The following PHLPP1 variants were observed in gnomAD, a reference collection of about 807,000 sequenced individuals.
The protein encoded by PHLPP1 is PH domain and leucine rich repeat protein phosphatase 1.
In PHLPP1, 42 loss-of-function variants were observed where a neutral mutation model predicts 117.2. The observed-to-expected ratio is 0.36, with a 90% CI of 0.28 to 0.46. The LOEUF is 0.46. Among genes scored for constraint, PHLPP1 ranks in the 20% least tolerant of loss-of-function variants. The probability of loss-of-function intolerance (pLI) is 1.00; values close to 1 mark genes in which losing one functional copy is unlikely to be tolerated. For synonymous variants in PHLPP1, 1,042 were observed against 970.7 expected (o/e 1.07, Z -1.37); for missense variants, 2,084 against 2,241.9 (o/e 0.93, Z 1.42).
intron 1 of PHLPP1, among the ~76,000 whole-genome samples, chr18:62,755,809 A>G (rs142395043): frequency 6.6e-6 from 1 of 152,280 alleles, no homozygotes; most frequent in African/African-American, 2.4e-5. Context: ...GTTTGTATCT[A>G]TTTTTTGTTT....
chr18:62,740,755 T>G (rs1001476420), intron 1 of PHLPP1, among the ~76,000 whole-genome samples: 4 of 152,204 alleles, frequency 2.6e-5, no homozygotes, highest in African/African-American at 9.6e-5. Flanking sequence ...GGGGATCACC[T>G]GAGGTCAGGA....
At chr18:62,918,622 G>T (rs897595509) in intron 9 of PHLPP1, among the ~76,000 whole-genome samples, 2 of 151,966 alleles carry the variant, frequency 1.3e-5, no homozygotes, top group African/African-American at 4.8e-5. Context: ...GTTGAGACAG[G>T]TTGCTAGCAT....
chr18:62,888,337 G>GTT (rs1555679785), intron 4 of PHLPP1, among the ~76,000 whole-genome samples: 8 of 114,626 alleles, frequency 7.0e-5, no homozygotes, highest in African/African-American at 1.5e-4. Flanking sequence ...GTGTGTGTAT[G>GTT]TTTTTTTTTT....
At chr18:62,943,639 G>A (rs927657361) in intron 11 of PHLPP1, among the ~76,000 whole-genome samples, 3 of 152,206 alleles carry the variant, frequency 2.0e-5, no homozygotes, top group South Asian at 2.1e-4. Flanking sequence ...AGGGTCTTGC[G>A]TGAATGCACA....
At chr18:62,742,877 G>A (rs544337455) in intron 1 of PHLPP1, among the ~76,000 whole-genome samples, 1 of 152,186 alleles carries the variant, frequency 6.6e-6, no homozygotes, top group East Asian at 1.9e-4. Flanking sequence ...CCAGCTTCCC[G>A]TAACTCACCC....
intron 3 of PHLPP1, among the ~76,000 whole-genome samples, chr18:62,855,071 CAG>C (rs1377133242): frequency 9.9e-5 from 15 of 152,246 alleles, no homozygotes; most frequent in East Asian, 3.9e-4. Context: ...ATCTTTGAAA[CAG>C]GGGTAAGTTC....
Position 62,978,465 on chromosome 18 carries a change from G to A in PHLPP1, c.4188G>A (p.Leu1396=), listed in dbSNP as rs533671209. ...CCGTGCGCAACGTGCCCGATGCCCT[G>A]GCTGCTGCCAAGAAGCTGTGTACCC... The part of the protein sequence containing the change: ...VEAVRNVPDA[L]AAAKKLCTLA... The change falls in exon 17 of 17, where the codon CTG becomes CTA. Residue 1396 remains leucine (L), a synonymous_variant. Transcript: ENST00000262719. The surrounding 1 kb of genome is among the most constrained non-coding windows in gnomAD (Gnocchi z 7.0). 6.2e-7 allele frequency: 1 copy of A among 1,609,988 alleles called. No individual in the cohort carries two copies. The highest frequency in any genetic ancestry group is 1.7e-5 in the Admixed American group (1 of 59,438).
chr18:62,795,460 T>TC (rs1404517407), intron 1 of PHLPP1, among the ~76,000 whole-genome samples: 1 of 122,984 alleles, frequency 8.1e-6, no homozygotes, highest in Non-Finnish European at 1.6e-5. Context: ...ACCACTGCAC[T>TC]CCAGCCTGGG....
intron 3 of PHLPP1, among the ~76,000 whole-genome samples, chr18:62,844,600 C>T (rs1915134137): frequency 6.6e-6 from 1 of 152,210 alleles, no homozygotes; most frequent in Admixed American, 6.5e-5. Flanking sequence ...AAACCCCAGA[C>T]ATTATTTCGC....
chr18:62,961,528 G>T (rs955993692), intron 13 of PHLPP1, among the ~76,000 whole-genome samples: 23 of 151,940 alleles, frequency 1.5e-4, no homozygotes, highest in African/African-American at 5.3e-4. Flanking sequence ...AATTATAAAT[G>T]CCTTTAAAAA....
intron 1 of PHLPP1, among the ~76,000 whole-genome samples, chr18:62,820,738 A>G (rs1310597255): frequency 6.6e-6 from 1 of 152,238 alleles, no homozygotes; most frequent in Non-Finnish European, 1.5e-5. Flanking sequence ...TTAATAAATT[A>G]CCCAGTCTCA....
intron 13 of PHLPP1, among the ~76,000 whole-genome samples, chr18:62,959,107 G>A (rs965818434): frequency 6.6e-6 from 1 of 152,188 alleles, no homozygotes; most frequent in Non-Finnish European, 1.5e-5. Context: ...AGATCTTCAC[G>A]GTTTGGGAAA....
intron 14 of PHLPP1, among the ~76,000 whole-genome samples, chr18:62,964,870 G>C (rs541706106): frequency 1.8e-4 from 27 of 152,136 alleles, no homozygotes; most frequent in Admixed American, 8.5e-4. Flanking sequence ...ATATCTACTC[G>C]TGTCTTAATG....
intron 10 of PHLPP1, among the ~76,000 whole-genome samples, chr18:62,930,064 T>C (rs1909760756): frequency 6.6e-6 from 1 of 152,136 alleles, no homozygotes; most frequent in Admixed American, 6.5e-5. Context: ...TACAGAATGC[T>C]GACAAAAACT....
At chr18:62,905,190 A>C (rs1916815269) in intron 7 of PHLPP1, 34 bp from the exon 8 acceptor site, 1 of 1,373,602 alleles carries the variant, frequency 7.3e-7, no homozygotes, top group Non-Finnish European at 9.8e-7. Context: ...TTTGTATAGT[A>C]ATGTCTTTGT....
intron 10 of PHLPP1, among the ~76,000 whole-genome samples, chr18:62,923,956 A>C (rs2144430192): frequency 6.6e-6 from 1 of 152,378 alleles, no homozygotes; most frequent in East Asian, 1.9e-4. Flanking sequence ...ATGAGTTTAA[A>C]TCACTGTGCT....
chr18:62,776,759 G>T (rs898500691), intron 1 of PHLPP1, among the ~76,000 whole-genome samples: 4 of 151,796 alleles, frequency 2.6e-5, no homozygotes, highest in Admixed American at 2.6e-4. Flanking sequence ...ACAGGTACCC[G>T]CCACCACACC....
At chr18:62,721,688 T>A (rs1351602914) in intron 1 of PHLPP1, among the ~76,000 whole-genome samples, 3 of 152,170 alleles carry the variant, frequency 2.0e-5, no homozygotes, top group Non-Finnish European at 2.9e-5. Context: ...TTCGTGTGTC[T>A]TTTGTACTCA....
chr18:62,913,641 C>T (rs1159695308), intron 8 of PHLPP1, among the ~76,000 whole-genome samples: 1 of 151,754 alleles, frequency 6.6e-6, no homozygotes, highest in Non-Finnish European at 1.5e-5. Context: ...AAAAGCTAAC[C>T]AGTGTGACTA....
Sources: allele counts gnomAD v4.1 joint callset (sites outside exome capture counted in the v4.1 genomes callset), GRCh38; gene constraint gnomAD v4.1.1; non-coding constraint Gnocchi (gnomAD v3.1); transcripts MANE v1.5; gene names NCBI Gene and HGNC (gene_info 2026-07-23, HGNC 2026-07-21).